Variants in PDZD2 observed in about 807,000 individuals in gnomAD.
PDZD2 encodes the protein PDZ domain-containing protein 2.
In PDZD2, 90 loss-of-function variants were observed where a neutral mutation model predicts 220.7. The observed-to-expected ratio is 0.41, with a 90% CI of 0.34 to 0.49. The LOEUF is 0.49. Ranked by LOEUF, PDZD2 falls within the 20% of genes least tolerant of loss-of-function variation. PDZD2 has a pLI of 0.28. For missense variants in PDZD2, 3,174 were observed against 3,608.5 expected (o/e 0.88, Z 3.08); for synonymous variants, 1,375 against 1,450.5 (o/e 0.95, Z 1.18).
chr5:31,849,937 TATATATATATAC>T (rs1757865779), intron 2 of PDZD2, among the ~76,000 whole-genome samples: 15 of 21,272 alleles, frequency 7.1e-4, no homozygotes, highest in African/African-American at 3.6e-3. Flanking sequence ...TATATACACA[TATATATATATAC>T]ATATATATAT....
chr5:32,017,096 G>A (rs548497962), intron 6 of PDZD2, among the ~76,000 whole-genome samples: 6 of 152,272 alleles, frequency 3.9e-5, no homozygotes, highest in East Asian at 3.9e-4. Flanking sequence ...ACCTCTCGTC[G>A]TAAGCTTTGG....
chr5:32,012,368 T>C (rs982165831), intron 6 of PDZD2, among the ~76,000 whole-genome samples: 1 of 152,276 alleles, frequency 6.6e-6, no homozygotes, highest in African/African-American at 2.4e-5. Context: ...CAAGCACGCA[T>C]ATTTTTTAAA....
At chr5:31,960,197 C>T (rs1279013689) in intron 2 of PDZD2, among the ~76,000 whole-genome samples, 1 of 150,160 alleles carries the variant, frequency 6.7e-6, no homozygotes, top group Non-Finnish European at 1.5e-5. Context: ...CCTTTTCTTT[C>T]CTTCCTTTCC....
chr5:31,701,124 C>T (rs1747588755), intron 1 of PDZD2, among the ~76,000 whole-genome samples: 1 of 152,134 alleles, frequency 6.6e-6, no homozygotes, highest in South Asian at 2.1e-4. Context: ...GAGCACACAG[C>T]GGATCCTCCA....
At chr5:32,015,633 T>C (rs566434457) in intron 6 of PDZD2, among the ~76,000 whole-genome samples, 1 of 152,304 alleles carries the variant, frequency 6.6e-6, no homozygotes, top group East Asian at 1.9e-4. Context: ...GGCACATGCA[T>C]TGTGATTATT....
chr5:31,658,420 C>T (rs1442302438), intron 1 of PDZD2, among the ~76,000 whole-genome samples: 1 of 152,186 alleles, frequency 6.6e-6, no homozygotes, highest in East Asian at 1.9e-4. Context: ...AAGATTTCCC[C>T]AGGAGCTCAG....
intron 24 of PDZD2, 37 bp downstream of exon 24, chr5:32,101,276 C>T: frequency 3.3e-6 from 5 of 1,530,850 alleles, no homozygotes; most frequent in Non-Finnish European, 3.5e-6. Flanking sequence ...CTTCTCTCAC[C>T]TGTCATTTTT....
chr5:31,701,194 AATAT>A (rs200569170), intron 1 of PDZD2, among the ~76,000 whole-genome samples: 1 of 117,748 alleles, frequency 8.5e-6, no homozygotes, highest in Non-Finnish European at 1.7e-5. Flanking sequence ...AGGCCTGGAA[AATAT>A]ATATATATTT....
rs116447555 is a variant in PDZD2, at chr5:31,703,723, G to A, written c.-361+64286G>A. Among the ~76,000 whole-genome samples, 467 of 152,296 alleles carry A rather than the reference G, an allele frequency of 3.1e-3. 2 individuals carry two copies. The highest frequency in any genetic ancestry group is 9.8e-3 in the Admixed American group (150 of 15,294). On this transcript the variant is annotated intron_variant, in intron 1 of 24. Coordinates refer to ENST00000438447, the MANE Select transcript of PDZD2 (RefSeq NM_178140.4). ...GGGGTAAAAGCCAGACCCCAAGCAG[G>A]ATAACTGGTCATTCTCACATTGCCC...
chr5:31,900,453 C>T (rs946945699), intron 2 of PDZD2, among the ~76,000 whole-genome samples: 1 of 152,120 alleles, frequency 6.6e-6, no homozygotes, highest in East Asian at 1.9e-4. Context: ...GGAGGGACTT[C>T]GGGCCTGGAA....
intron 1 of PDZD2, among the ~76,000 whole-genome samples, chr5:31,664,451 TACACACACACAC>T (rs10629638): frequency 3.6e-3 from 517 of 144,808 alleles, no homozygotes; most frequent in African/African-American, 0.012. Flanking sequence ...CATGCATGCA[TACACACACACAC>T]ACACACACAC....
intron 5 of PDZD2, among the ~76,000 whole-genome samples, chr5:32,007,376 G>A (rs1260327639): frequency 1.4e-5 from 2 of 147,412 alleles, no homozygotes; most frequent in Non-Finnish European, 1.5e-5. Flanking sequence ...TTACTTCACA[G>A]TTGGGATTTA....
intron 2 of PDZD2, among the ~76,000 whole-genome samples, chr5:31,875,760 A>T (rs1739249079): frequency 6.6e-6 from 1 of 151,198 alleles, no homozygotes; most frequent in East Asian, 1.9e-4. Context: ...AGTGATTAAC[A>T]TGGTCTTGCC....
intron 2 of PDZD2, among the ~76,000 whole-genome samples, chr5:31,964,584 C>G (rs1452252889): frequency 1.3e-5 from 2 of 152,196 alleles, no homozygotes; most frequent in Non-Finnish European, 2.9e-5. Context: ...ATGCCTCCAC[C>G]ATCTTCTTTT....
chr5:31,792,933 G>A (rs545245954), intron 1 of PDZD2, among the ~76,000 whole-genome samples: 9 of 151,744 alleles, frequency 5.9e-5, no homozygotes, highest in South Asian at 4.2e-4. Flanking sequence ...CCACCTCCCC[G>A]GTTCAAGCAA....
chr5:31,828,836 A>C (rs1756384589), intron 2 of PDZD2, among the ~76,000 whole-genome samples: 1 of 152,134 alleles, frequency 6.6e-6, no homozygotes, highest in Non-Finnish European at 1.5e-5. Context: ...CCACTTTTAC[A>C]TTGAGTTGTA....
At chr5:31,965,270 C>G (rs1748627946) in intron 2 of PDZD2, among the ~76,000 whole-genome samples, 3 of 152,202 alleles carry the variant, frequency 2.0e-5, no homozygotes, top group Admixed American at 2.0e-4. Context: ...GGGGTGGAAA[C>G]CAGCCAGGTA....
In PDZD2 at chr5:31,730,590, G is replaced by A. The variant is rs1204299495; in HGVS notation, c.-360-68299G>A. Among the ~76,000 whole-genome samples the A allele has an allele frequency of 2.7e-5, 3 of 112,448 alleles. No homozygotes were observed. The East Asian group carries it at 7.9e-4, about 30-fold the overall frequency. 73.8% of individuals were successfully genotyped at this position (112,448 alleles called of 152,430 possible). A position where few individuals can be genotyped will look rare whatever the true frequency, so the allele number is the denominator to read the frequency against. On this transcript the variant is annotated intron_variant, in intron 1 of 24. Coordinates refer to ENST00000438447, the MANE Select transcript of PDZD2 (RefSeq NM_178140.4). ...TGTGTGTGTGTGTGTGTGTGTGTGTGTGGTGTGTGTGTGTGTGTGTAAGGG... is the reference window on the plus strand; with the variant it reads ...TGTGTGTGTGTGTGTGTGTGTGTGTATGGTGTGTGTGTGTGTGTGTAAGGG...
intron 7 of PDZD2, among the ~76,000 whole-genome samples, chr5:32,037,722 ACT>A (rs1755667224): frequency 2.6e-5 from 4 of 151,906 alleles, no homozygotes; most frequent in South Asian, 2.1e-4. Flanking sequence ...GAGCAAATAG[ACT>A]CTATCTCCTG....
Sources: allele counts gnomAD v4.1 joint callset (sites outside exome capture counted in the v4.1 genomes callset), GRCh38; gene constraint gnomAD v4.1.1; transcripts MANE v1.5; gene names NCBI Gene and HGNC (gene_info 2026-07-23, HGNC 2026-07-21).